Variants in NBAS observed in about 807,000 individuals in gnomAD.
The protein encoded by NBAS is NAG/BC035112 fusion.
In NBAS, 219 loss-of-function variants were observed where a neutral mutation model predicts 302.5. The ratio of observed to expected loss-of-function variants is 0.72; its 90% CI spans 0.65 to 0.81. The LOEUF (loss-of-function observed/expected upper bound fraction) is 0.81, where lower values mean the gene tolerates loss of function less well. Among genes scored for constraint, NBAS ranks in the 30% least tolerant of loss-of-function variants. The pLI is 0.00. For synonymous variants in NBAS, 1,118 were observed against 1,021.6 expected (o/e 1.09, Z -1.80); for missense variants, 2,932 against 2,841.6 (o/e 1.03, Z -0.72).
At chr2:15,444,911 C>T (rs935609009) in intron 21 of NBAS, among the ~76,000 whole-genome samples, 6 of 151,096 alleles carry the variant, frequency 4.0e-5, no homozygotes, top group Admixed American at 6.6e-5. Flanking sequence ...AAAATGCTCA[C>T]CATCACTGGC....
intron 21 of NBAS, 53 bp from the exon 22 acceptor site, chr2:15,427,847 A>G: frequency 1.5e-6 from 2 of 1,364,286 alleles, no homozygotes; most frequent in South Asian, 2.5e-5. Context: ...TCAATGACTT[A>G]GCCACACAAG....
chr2:15,538,114 G>A (rs1424118628), intron 7 of NBAS, among the ~76,000 whole-genome samples: 1 of 152,072 alleles, frequency 6.6e-6, no homozygotes, highest in African/African-American at 2.4e-5. Flanking sequence ...GGATATATTG[G>A]ATGATATAAA....
intron 48 of NBAS, among the ~76,000 whole-genome samples, chr2:15,206,583 G>A (rs889828859): frequency 1.3e-5 from 2 of 152,222 alleles, no homozygotes; most frequent in African/African-American, 4.8e-5. Flanking sequence ...AGGCCCAGAG[G>A]CCCTAGGAGG....
At chr2:15,317,110 C>A (rs1213018751) in intron 38 of NBAS, among the ~76,000 whole-genome samples, 1 of 152,240 alleles carries the variant, frequency 6.6e-6, no homozygotes, top group Non-Finnish European at 1.5e-5. Flanking sequence ...CAAACAGCGT[C>A]TGGAGTGGAC....
At chr2:15,212,597 C>G (rs1016007961) in intron 48 of NBAS, among the ~76,000 whole-genome samples, 2 of 152,146 alleles carry the variant, frequency 1.3e-5, no homozygotes, top group Admixed American at 6.5e-5. Context: ...TGTGTCCCCA[C>G]CCAAATCTCA....
At chr2:14,840,558 G>A in the NBAS span, among the ~76,000 whole-genome samples, 4 of 151,952 alleles carry the variant, frequency 2.6e-5, no homozygotes, top group African/African-American at 2.4e-5. Context: ...ACATAAAGGA[G>A]CTCCAATTAA....
intron 30 of NBAS, among the ~76,000 whole-genome samples, chr2:15,379,191 T>G (rs2148371917): frequency 1.1e-5 from 1 of 92,030 alleles, no homozygotes; most frequent in East Asian, 2.1e-4. Context: ...CCCTTGTCTC[T>G]CTCTCTTTTT....
chr2:15,462,998 C>A (rs1173559915), intron 19 of NBAS, among the ~76,000 whole-genome samples: 1 of 152,146 alleles, frequency 6.6e-6, no homozygotes, highest in African/African-American at 2.4e-5. Flanking sequence ...TCCAGCCAGG[C>A]GTGGTGGCTC....
rs969958042 is a variant in NBAS at position 15,202,407 on chromosome 2, T to C, written c.6433-12004A>G. 2.6e-5 allele frequency among the ~76,000 whole-genome samples: 4 copies of C among 152,338 alleles called. No individual in the cohort carries two copies. The South Asian group carries it at 8.3e-4, about 32-fold the overall frequency. On this transcript the variant is annotated intron_variant, in intron 48 of 51. Coordinates refer to ENST00000281513, the MANE Select transcript of NBAS (RefSeq NM_015909.4). ...ACACTTAAAAACATGTAAGGGGAAA[T>C]ATTTTGTGTTAAAATAAGAAGAGGA...
At chr2:15,255,039 G>A (rs1349884975) in intron 44 of NBAS, among the ~76,000 whole-genome samples, 1 of 152,122 alleles carries the variant, frequency 6.6e-6, no homozygotes, top group Non-Finnish European at 1.5e-5. Flanking sequence ...ATGTGCAAGT[G>A]TTTTTTTCAT....
intron 48 of NBAS, among the ~76,000 whole-genome samples, chr2:15,196,958 T>C (rs1157886045): frequency 6.6e-6 from 1 of 152,124 alleles, no homozygotes; most frequent in Non-Finnish European, 1.5e-5. Context: ...AATGATCAGT[T>C]ATGGCAAAAA....
At chr2:15,166,843 A>T, downstream of NBAS, 1 of 554,480 alleles carries the variant, frequency 1.8e-6, no homozygotes, top group Non-Finnish European at 2.9e-6. Context: ...AGAGTCTCTT[A>T]ATCAATAAGA....
the NBAS span, among the ~76,000 whole-genome samples, chr2:14,854,474 C>A: frequency 2.0e-5 from 3 of 151,836 alleles, no homozygotes; most frequent in Non-Finnish European, 2.9e-5. Context: ...AACCAAATAT[C>A]AGGTGAGCAC....
the NBAS span, among the ~76,000 whole-genome samples, chr2:14,895,180 G>A: frequency 1.1e-3 from 171 of 152,202 alleles, 1 homozygote; most frequent in African/African-American, 4.0e-3. Flanking sequence ...AGAGAGGGAA[G>A]GATCCAGGTG....
chr2:15,220,140 C>A (rs574565531), intron 47 of NBAS, among the ~76,000 whole-genome samples: 3 of 148,826 alleles, frequency 2.0e-5, no homozygotes, highest in African/African-American at 4.9e-5. Context: ...CTGACCCCCC[C>A]ACCTCCCTCC....
At chr2:14,983,733 A>G in the NBAS span, among the ~76,000 whole-genome samples, 53 of 152,236 alleles carry the variant, frequency 3.5e-4, no homozygotes, top group Non-Finnish European at 7.1e-4. Flanking sequence ...GGAAAGGGAT[A>G]GAAGAAAGTA....
Position 15,238,687 on chromosome 2 carries a change from C to CTTTAA in NBAS, c.5725-2_5725-1insTTAAA. ...TCTCTTTACGGGCTTCCACAGACAG[C>CTTTAA]TTAAAAAAAAGAATAGTGAGACCAA... is the stretch of plus-strand genomic sequence containing the variant. On this transcript the variant is annotated splice_acceptor_variant, in intron 44 of 51. Coordinates refer to ENST00000281513, the MANE Select transcript of NBAS (RefSeq NM_015909.4). LOFTEE classifies it high-confidence loss of function. 1 of 1,473,214 alleles carries CTTTAA rather than the reference C, an allele frequency of 6.8e-7. No individual in the cohort carries two copies. The highest frequency in any genetic ancestry group is 2.5e-5 in the East Asian group (1 of 40,020). 91.3% of individuals were successfully genotyped at this position (1,473,214 alleles called of 1,614,324 possible). A position where few individuals can be genotyped will look rare whatever the true frequency, so the allele number is the denominator to read the frequency against.
At chr2:15,083,586 A>G in the NBAS span, among the ~76,000 whole-genome samples, 2 of 152,262 alleles carry the variant, frequency 1.3e-5, no homozygotes, top group Non-Finnish European at 2.9e-5. Context: ...GTTGTCATCC[A>G]GAAAGAACAG....
intron 47 of NBAS, among the ~76,000 whole-genome samples, chr2:15,231,972 AGGCTTATAAAGCCTG>A (rs1407443907): frequency 1.3e-5 from 2 of 152,228 alleles, no homozygotes; most frequent in African/African-American, 4.8e-5. Context: ...ACATCTTTCT[AGGCTTATAAAGCCTG>A]TACACTTTGA....
Sources: gnomAD v4.1 joint callset for allele counts (sites outside exome capture counted in the v4.1 genomes callset) on GRCh38, gnomAD v4.1.1 for gene constraint, MANE v1.5 for transcripts, NCBI Gene and HGNC (gene_info 2026-07-23, HGNC 2026-07-21) for gene names.